DSE: variants seen among roughly 807,000 people sequenced by gnomAD.
DSE encodes dermatan sulfate epimerase.
DSE carries 36 observed loss-of-function variants against 84.4 expected under a neutral mutation model. The ratio of observed to expected loss-of-function variants is 0.43; its 90% CI spans 0.33 to 0.56. The LOEUF (loss-of-function observed/expected upper bound fraction) is 0.56, where lower values mean the gene tolerates loss of function less well. DSE is among the 20% of genes least tolerant of loss of function. The probability of loss-of-function intolerance (pLI) is 0.06; values close to 1 mark genes in which losing one functional copy is unlikely to be tolerated. For missense variants in DSE, 862 were observed against 1,169.6 expected (o/e 0.74, Z 3.84); for synonymous variants, 410 against 430.1 (o/e 0.95, Z 0.58).
At chr6:116,408,670 T>C (rs1359732560) in intron 2 of DSE, among the ~76,000 whole-genome samples, 2 of 152,224 alleles carry the variant, frequency 1.3e-5, no homozygotes, top group Non-Finnish European at 2.9e-5. Context: ...ACCTTTGACG[T>C]ACTTGGAGGC....
chr6:116,341,549 A>G (rs1159483246), intron 2 of DSE, among the ~76,000 whole-genome samples: 2 of 152,200 alleles, frequency 1.3e-5, no homozygotes, highest in African/African-American at 4.8e-5. Context: ...TTGGTGTTTT[A>G]GTCATAAAGT....
intron 3 of DSE, 24 bp from the exon 4 acceptor site, chr6:116,430,930 C>G (rs1783793619): frequency 6.2e-7 from 1 of 1,610,084 alleles, no homozygotes; most frequent in Admixed American, 1.7e-5. Flanking sequence ...TTAGTCATTG[C>G]TTCCATGTGT....
intron 2 of DSE, among the ~76,000 whole-genome samples, chr6:116,285,954 T>G (rs1385709937): frequency 1.3e-5 from 2 of 152,192 alleles, no homozygotes; most frequent in South Asian, 2.1e-4. Flanking sequence ...TCAGGTAGTG[T>G]GATGCCTCCA....
chr6:116,412,986 T>C (rs1782479494), intron 2 of DSE, among the ~76,000 whole-genome samples: 1 of 152,102 alleles, frequency 6.6e-6, no homozygotes, highest in East Asian at 1.9e-4. Context: ...ATTACTTTGC[T>C]TAGGATAATG....
At chr6:116,366,132 A>G (rs1779152649), upstream of DSE, 2 of 152,242 alleles carry the variant, frequency 1.3e-5, no homozygotes. Flanking sequence ...CTGTATGAGA[A>G]AAGTTTGCAT....
At chr6:116,381,421 CA>C (rs1780218080) in intron 1 of DSE, among the ~76,000 whole-genome samples, 1 of 152,108 alleles carries the variant, frequency 6.6e-6, no homozygotes, top group African/African-American at 2.4e-5. Flanking sequence ...GAGGGAAATA[CA>C]GGCTCTTGAG....
rs1197362067 is a variant in DSE at position 116,439,875 on chromosome 6, T to C, written c.*2530T>C. On this transcript the variant is annotated 3_prime_UTR_variant, in exon 6 of 6. Transcript: ENST00000644252. ...GAGTATTGCCTGAGCTTAGGAGTTCTGTGCTGCAGTGAGCTATGACTGTGC... is the reference window on the plus strand; with the variant it reads ...GAGTATTGCCTGAGCTTAGGAGTTCCGTGCTGCAGTGAGCTATGACTGTGC... 6.6e-6 allele frequency: 1 copy of C among 152,054 alleles called. No homozygotes were observed. Among genetic ancestry groups the C allele is most frequent in the Non-Finnish European group, 1.5e-5 (1 of 68,062 alleles). 9.4% of individuals were successfully genotyped at this position (152,054 alleles called of 1,614,324 possible).
chr6:116,308,755 G>T (rs1775496111), intron 2 of DSE, among the ~76,000 whole-genome samples: 1 of 151,884 alleles, frequency 6.6e-6, no homozygotes, highest in Non-Finnish European at 1.5e-5. Flanking sequence ...TCGGCTCACT[G>T]CAAGCTCCGC....
intron 1 of DSE, among the ~76,000 whole-genome samples, chr6:116,392,887 C>T (rs1781000588): frequency 6.6e-6 from 1 of 152,092 alleles, no homozygotes; most frequent in South Asian, 2.1e-4. Context: ...GTAGGGAAGC[C>T]TAACATTAAG....
intron 2 of DSE, among the ~76,000 whole-genome samples, chr6:116,402,144 T>G (rs1221879003): frequency 2.6e-5 from 4 of 152,192 alleles, no homozygotes; most frequent in Non-Finnish European, 5.9e-5. Flanking sequence ...TTTTATAATT[T>G]TTACCTATGG....
intron 2 of DSE, among the ~76,000 whole-genome samples, chr6:116,325,579 C>T (rs1583021439): frequency 6.6e-6 from 1 of 152,132 alleles, no homozygotes; most frequent in South Asian, 2.1e-4. Context: ...TAGGTGTTCT[C>T]CTGCCAAGTT....
At chr6:116,363,262 CAT>C (rs1335863236) in intron 2 of DSE, among the ~76,000 whole-genome samples, 4 of 151,346 alleles carry the variant, frequency 2.6e-5, no homozygotes, top group Non-Finnish European at 2.9e-5. Context: ...CACATATATG[CAT>C]ATATGTGTGT....
At chr6:116,294,466 ATTAGT>A (rs1262076610) in intron 2 of DSE, among the ~76,000 whole-genome samples, 1 of 152,256 alleles carries the variant, frequency 6.6e-6, no homozygotes, top group Non-Finnish European at 1.5e-5. Flanking sequence ...ATATTCATAC[ATTAGT>A]TTAAGTAAGT....
At chr6:116,287,269 G>A (rs1048473373) in intron 2 of DSE, among the ~76,000 whole-genome samples, 1 of 152,046 alleles carries the variant, frequency 6.6e-6, no homozygotes, top group Non-Finnish European at 1.5e-5. Context: ...TGACACCTCT[G>A]AGCCAAACTT....
At chr6:116,383,553 C>T (rs992433243) in intron 1 of DSE, among the ~76,000 whole-genome samples, 2 of 152,204 alleles carry the variant, frequency 1.3e-5, no homozygotes, top group Non-Finnish European at 2.9e-5. Flanking sequence ...CTTGTGCATG[C>T]ACACAGACAT....
chr6:116,436,591 C>T lies in DSE; in HGVS notation c.2123C>T (p.Ala708Val). 1 of 1,614,146 alleles carries T rather than the reference C, an allele frequency of 6.2e-7. No homozygotes were observed. Among genetic ancestry groups the T allele is most frequent in the Non-Finnish European group, 8.5e-7 (1 of 1,180,016 alleles). The change falls in exon 6 of 6, where the codon GCC (alanine) becomes GTC (valine). Residue 708 changes from alanine to valine, a missense_variant. Transcript: ENST00000644252. ...ACAGGTGAGGCCACAGGACAGTCTGCCTTTGCACAGGTCATTGCTGATCGT... is the reference window on the plus strand; with the variant it reads ...ACAGGTGAGGCCACAGGACAGTCTGTCTTTGCACAGGTCATTGCTGATCGT... ...LWTGEATGQS[A>V]FAQVIADRHK...
intron 2 of DSE, among the ~76,000 whole-genome samples, chr6:116,291,866 A>G (rs1381580426): frequency 6.6e-6 from 1 of 152,236 alleles, no homozygotes; most frequent in African/African-American, 2.4e-5. Context: ...AAAGTAGACA[A>G]GAAGTTAAGG....
intron 2 of DSE, among the ~76,000 whole-genome samples, chr6:116,273,060 T>G (rs1452069074): frequency 1.3e-5 from 2 of 152,210 alleles, no homozygotes; most frequent in African/African-American, 2.4e-5. Flanking sequence ...AGTTTTATCA[T>G]CCCTACATTA....
At chr6:116,338,144 CCTTT>C (rs1218986846) in intron 2 of DSE, among the ~76,000 whole-genome samples, 7 of 150,336 alleles carry the variant, frequency 4.7e-5, no homozygotes, top group African/African-American at 9.8e-5. Flanking sequence ...CATTTTGCAT[CCTTT>C]CTTTGTGCCT....
Sources: gnomAD v4.1 joint callset for allele counts (sites outside exome capture counted in the v4.1 genomes callset) on GRCh38, gnomAD v4.1.1 for gene constraint, MANE v1.5 for transcripts, NCBI Gene and HGNC (gene_info 2026-07-23, HGNC 2026-07-21) for gene names.